Variants in XG observed in about 807,000 individuals in gnomAD.
XG encodes the protein Xg glycoprotein (Xg blood group).
Under a neutral mutation model 25.7 loss-of-function variants are expected in XG, and 24 were observed. The ratio of observed to expected loss-of-function variants is 0.93; its 90% confidence interval spans 0.68 to 1.31. The LOEUF is 1.31. Among genes scored for constraint, XG ranks in the 40% most tolerant of loss-of-function variants. The pLI is 0.00. For missense variants in XG, 181 were observed against 187.6 expected (o/e 0.96, Z 0.21); for synonymous variants, 77 against 69.2 (o/e 1.11, Z -0.56).
At chrX:2,791,868 C>G (rs2086840612) in intron 5 of XG, among the ~76,000 whole-genome samples, 1 of 110,299 alleles carries the variant, frequency 9.1e-6, no homozygotes, top group Admixed American at 9.8e-5. Context: ...AGCTTCAACT[C>G]CATTTCCTGG....
intron 1 of XG, among the ~76,000 whole-genome samples, chrX:2,761,928 A>G (rs1259291023): frequency 6.6e-6 from 1 of 152,172 alleles, no homozygotes; most frequent in Non-Finnish European, 1.5e-5. Context: ...AACTCTGGGA[A>G]GCCATTACCA....
intron 1 of XG, among the ~76,000 whole-genome samples, chrX:2,763,873 C>T (rs1045172757): frequency 4.6e-5 from 7 of 152,038 alleles, no homozygotes; most frequent in African/African-American, 1.7e-4. Flanking sequence ...TGCACAGGGC[C>T]GGTGGACCTA....
intron 4 of XG, among the ~76,000 whole-genome samples, chrX:2,787,529 G>A: frequency 9.0e-6 from 1 of 111,546 alleles, no homozygotes; most frequent in Middle Eastern, 4.6e-3. Flanking sequence ...GGAAACCAAA[G>A]CTCCCTTGTG....
chrX:2,758,476 G>T (rs1430241930), intron 1 of XG, among the ~76,000 whole-genome samples: 1 of 152,188 alleles, frequency 6.6e-6, no homozygotes, highest in African/African-American at 2.4e-5. Flanking sequence ...CCTTTGCGTG[G>T]AGTCTCATGG....
intron 6 of XG, among the ~76,000 whole-genome samples, chrX:2,794,982 GTATCTT>G (rs1471229833): frequency 9.0e-6 from 1 of 111,116 alleles, no homozygotes; most frequent in Non-Finnish European, 1.9e-5. Flanking sequence ...AGATGTTTAT[GTATCTT>G]TATATTTGTG....
intron 9 of XG, among the ~76,000 whole-genome samples, chrX:2,809,712 G>T: frequency 8.9e-6 from 1 of 112,175 alleles, no homozygotes; most frequent in East Asian, 2.8e-4. Context: ...TCTCTTGTGT[G>T]CAGTCAACTG....
intron 1 of XG, among the ~76,000 whole-genome samples, chrX:2,765,679 C>T (rs897153611): frequency 2.0e-5 from 3 of 152,112 alleles, no homozygotes; most frequent in African/African-American, 4.8e-5. Flanking sequence ...TTCTTTAAAG[C>T]GAGGTAAATA....
intron 1 of XG, among the ~76,000 whole-genome samples, chrX:2,755,763 G>A (rs1202705586): frequency 2.6e-5 from 4 of 152,078 alleles, no homozygotes; most frequent in Non-Finnish European, 4.4e-5. Context: ...TATGTCCTGG[G>A]TAAAAATTAG....
intron 5 of XG, among the ~76,000 whole-genome samples, chrX:2,794,050 G>A (rs897669345): frequency 3.6e-5 from 4 of 111,032 alleles, no homozygotes; most frequent in African/African-American, 6.6e-5. Flanking sequence ...AGAGCTGGAC[G>A]AGGACATGGT....
intron 6 of XG, among the ~76,000 whole-genome samples, chrX:2,795,325 A>G (rs1188290466): frequency 9.3e-6 from 1 of 107,132 alleles, no homozygotes; most frequent in African/African-American, 3.3e-5. Context: ...ATACATTTTA[A>G]TATTTTATGT....
intron 3 of XG, among the ~76,000 whole-genome samples, chrX:2,779,804 C>A (rs2857318): frequency 1.4e-4 from 22 of 151,732 alleles, no homozygotes; most frequent in African/African-American, 4.4e-4. Flanking sequence ...GCGCCACCAC[C>A]CCCAGCTAAT....
intron 1 of XG, among the ~76,000 whole-genome samples, chrX:2,761,456 A>G (rs1380612658): frequency 1.3e-5 from 2 of 151,916 alleles, no homozygotes; most frequent in African/African-American, 2.4e-5. Context: ...GCAGCCTGCA[A>G]TGGACTAAGA....
intron 7 of XG, among the ~76,000 whole-genome samples, chrX:2,800,326 C>G (rs1000304912): frequency 9.0e-6 from 1 of 111,424 alleles, no homozygotes; most frequent in Non-Finnish European, 1.9e-5. Flanking sequence ...CTCCGTTTCT[C>G]TCTCCTACAT....
intron 1 of XG, among the ~76,000 whole-genome samples, chrX:2,760,756 A>G (rs907421169): frequency 5.4e-5 from 7 of 128,582 alleles, no homozygotes; most frequent in African/African-American, 1.7e-4. Flanking sequence ...AAAAAAAAAA[A>G]GAGGTGATTC....
chrX:2,758,928 G>A (rs1388866138), intron 1 of XG, among the ~76,000 whole-genome samples: 1 of 145,520 alleles, frequency 6.9e-6, no homozygotes, highest in Non-Finnish European at 1.5e-5. Context: ...ATCTGTCAAT[G>A]ATTTTCTGTC....
intron 1 of XG, among the ~76,000 whole-genome samples, chrX:2,763,132 T>C (rs920496462): frequency 2.0e-5 from 3 of 152,138 alleles, no homozygotes; most frequent in African/African-American, 7.2e-5. Flanking sequence ...TTCTCATGCA[T>C]CAGCCTCCCA....
chrX:2,797,972 C>T (rs2086900937), intron 7 of XG, among the ~76,000 whole-genome samples: 1 of 111,779 alleles, frequency 8.9e-6, no homozygotes, highest in East Asian at 2.8e-4. Flanking sequence ...CCCAGGAGGT[C>T]GAGGCTTCAG....
Position 2,770,591 on chromosome X carries a change from G to A in XG, c.103G>A (p.Glu35Lys). Residue 35 changes from glutamate to lysine, a missense_variant and splice_region_variant, in exon 2 of 11, where the codon GAA becomes AAA. Coordinates refer to ENST00000644266, the MANE Select transcript of XG (RefSeq NM_001141919.2). ...TTTGGCAGATGCCCTTGATGACCCT[G>A]GTAAGTGCCGATATTTCAAGGGGAG... ...FDLADALDDP[E>K]PTKKPNSDIY... The A allele has an allele frequency of 6.2e-7, 1 of 1,613,856 alleles. No homozygotes were observed. The highest frequency in any genetic ancestry group is 1.3e-5 in the African/African-American group (1 of 74,996).
chrX:2,753,774 G>C (rs1397787919), intron 1 of XG, among the ~76,000 whole-genome samples: 1 of 152,006 alleles, frequency 6.6e-6, no homozygotes, highest in Admixed American at 6.6e-5. Flanking sequence ...GTAGAGACTG[G>C]GTTTCACCAT....
Sources: gnomAD v4.1 joint callset for allele counts (sites outside exome capture counted in the v4.1 genomes callset) on GRCh38, gnomAD v4.1.1 for gene constraint, MANE v1.5 for transcripts, NCBI Gene and HGNC (gene_info 2026-07-23, HGNC 2026-07-21) for gene names.